GRM7: variants seen among roughly 807,000 people sequenced by gnomAD.
GRM7 encodes metabotropic glutamate receptor 7.
In GRM7, 35 loss-of-function variants were observed where a neutral mutation model predicts 84.5. The ratio of observed to expected loss-of-function variants is 0.41; its 90% CI spans 0.32 to 0.55. The LOEUF (loss-of-function observed/expected upper bound fraction) is 0.55. Among genes scored for constraint, GRM7 ranks in the 20% least tolerant of loss-of-function variants. The pLI is 0.19. For missense variants in GRM7, 1,003 were observed against 1,194.6 expected (o/e 0.84, Z 2.36); for synonymous variants, 487 against 455.1 (o/e 1.07, Z -0.89).
chr3:7,465,130 A>G (rs989721024), intron 7 of GRM7, among the ~76,000 whole-genome samples: 2 of 152,166 alleles, frequency 1.3e-5, no homozygotes, highest in African/African-American at 4.8e-5. Flanking sequence ...TAGCTAAATC[A>G]GGGGTTTGTT....
intron 8 of GRM7, among the ~76,000 whole-genome samples, chr3:7,622,952 C>T (rs187070259): frequency 2.0e-5 from 3 of 152,088 alleles, no homozygotes; most frequent in Admixed American, 2.0e-4. Context: ...GGTTGCAGGC[C>T]CAGAAGATAA....
intron 2 of GRM7, among the ~76,000 whole-genome samples, chr3:7,159,908 G>A (rs1694571258): frequency 6.6e-6 from 1 of 152,064 alleles, no homozygotes; most frequent in Admixed American, 6.6e-5. Flanking sequence ...CTTAAGCTTT[G>A]GTTTTAGAGT....
At chr3:7,338,496 AAAAAT>A (rs1321234222) in intron 4 of GRM7, among the ~76,000 whole-genome samples, 3 of 152,186 alleles carry the variant, frequency 2.0e-5, no homozygotes, top group East Asian at 1.9e-4. Context: ...CTATTGAAAT[AAAAAT>A]AAAATAAAAA....
intron 2 of GRM7, among the ~76,000 whole-genome samples, chr3:7,207,716 T>G (rs1326327906): frequency 3.3e-5 from 5 of 152,214 alleles, no homozygotes; most frequent in Admixed American, 1.3e-4. Flanking sequence ...TTGTGTAGGA[T>G]GTGAGACTCT....
chr3:7,442,291 A>C (rs1697320521), intron 5 of GRM7, among the ~76,000 whole-genome samples: 1 of 152,104 alleles, frequency 6.6e-6, no homozygotes, highest in South Asian at 2.1e-4. Context: ...GGTATATAGA[A>C]ATGCTACTAA....
chr3:6,988,142 G>A (rs183378325), intron 1 of GRM7, among the ~76,000 whole-genome samples: 6 of 149,768 alleles, frequency 4.0e-5, no homozygotes, highest in South Asian at 2.1e-4. Flanking sequence ...GACTACAGGC[G>A]GCCACCATCA....
At chr3:6,889,927 T>A (rs1695865037) in intron 1 of GRM7, among the ~76,000 whole-genome samples, 1 of 152,238 alleles carries the variant, frequency 6.6e-6, no homozygotes, top group African/African-American at 2.4e-5. Context: ...ATTGGTTTAT[T>A]CAGAGATTCA....
At chr3:7,090,222 A>G (rs1698614683) in intron 1 of GRM7, among the ~76,000 whole-genome samples, 1 of 152,238 alleles carries the variant, frequency 6.6e-6, no homozygotes. Flanking sequence ...TGTGGTAAGT[A>G]GAATTTGAGA....
chr3:7,396,520 C>T (rs961948268), intron 4 of GRM7, among the ~76,000 whole-genome samples: 1 of 152,034 alleles, frequency 6.6e-6, no homozygotes. Flanking sequence ...CTGATTTGCC[C>T]ATGTTTTATA....
intron 9 of GRM7, among the ~76,000 whole-genome samples, chr3:7,690,513 C>T (rs1015085189): frequency 8.5e-5 from 13 of 152,136 alleles, no homozygotes; most frequent in African/African-American, 2.7e-4. Flanking sequence ...AATGTATAAA[C>T]GTGATGTCAC....
At chr3:7,158,134 A>AT (rs1574972460) in intron 2 of GRM7, among the ~76,000 whole-genome samples, 1 of 152,128 alleles carries the variant, frequency 6.6e-6, no homozygotes, top group African/African-American at 2.4e-5. Context: ...ACACATCTTC[A>AT]TTTTTTCTGA....
chr3:7,522,541 C>T (rs1403093352), intron 7 of GRM7, among the ~76,000 whole-genome samples: 1 of 152,162 alleles, frequency 6.6e-6, no homozygotes, highest in Non-Finnish European at 1.5e-5. Context: ...ATTCTCCCCA[C>T]ATCCACACAT....
At chr3:7,088,028 C>T (rs938854704) in intron 1 of GRM7, among the ~76,000 whole-genome samples, 1 of 152,190 alleles carries the variant, frequency 6.6e-6, no homozygotes, top group Non-Finnish European at 1.5e-5. Flanking sequence ...GCCAACATTT[C>T]TGAACCTCAC....
chr3:7,117,074 C>T (rs1693060943), intron 1 of GRM7, among the ~76,000 whole-genome samples: 1 of 152,122 alleles, frequency 6.6e-6, no homozygotes, highest in African/African-American at 2.4e-5. Context: ...CTGACTTCAT[C>T]ACACGCCAAG....
intron 1 of GRM7, among the ~76,000 whole-genome samples, chr3:7,061,025 G>A (rs913616472): frequency 1.9e-4 from 29 of 151,630 alleles, no homozygotes; most frequent in African/African-American, 6.8e-4. Context: ...TGCCCTTTTA[G>A]GTTTATTTGC....
At chr3:7,273,292 A>G (rs1698936213) in intron 2 of GRM7, among the ~76,000 whole-genome samples, 1 of 152,086 alleles carries the variant, frequency 6.6e-6, no homozygotes. Context: ...ATTTTAGTTG[A>G]AGTCCTTTGT....
chr3:6,985,404 T>G (rs1694371897), intron 1 of GRM7, among the ~76,000 whole-genome samples: 1 of 152,152 alleles, frequency 6.6e-6, no homozygotes, highest in Non-Finnish European at 1.5e-5. Flanking sequence ...TCTGTATTGA[T>G]GAGTTCATTG....
chr3:7,207,144 G>A (rs1030180282), intron 2 of GRM7, among the ~76,000 whole-genome samples: 1 of 152,192 alleles, frequency 6.6e-6, no homozygotes, highest in African/African-American at 2.4e-5. Context: ...ATTCACTACT[G>A]CCCAAGTGAG....
chr3:7,452,481 T>A, intron 5 of GRM7, 126 bp from the exon 6 acceptor site: 1 of 694,846 alleles, frequency 1.4e-6, no homozygotes. Context: ...TGAATTACTG[T>A]ATTTATCGAA....
Sources: allele counts gnomAD v4.1 joint callset (sites outside exome capture counted in the v4.1 genomes callset), GRCh38; gene constraint gnomAD v4.1.1; transcripts MANE v1.5; gene names NCBI Gene and HGNC (gene_info 2026-07-23, HGNC 2026-07-21).